TRIO: variants seen among roughly 807,000 people sequenced by gnomAD.
The protein encoded by TRIO is trio Rho guanine nucleotide exchange factor, also known as triple functional domain protein.
TRIO carries 58 observed loss-of-function variants against 351.9 expected under a neutral mutation model. That is an observed-to-expected ratio of 0.16 (90% CI 0.13 to 0.21). The LOEUF is 0.21. Among genes scored for constraint, TRIO ranks in the 10% least tolerant of loss-of-function variants. TRIO has a pLI of 1.00. For missense variants in TRIO, 3,201 were observed against 4,027.8 expected (o/e 0.79, Z 5.56); for synonymous variants, 1,758 against 1,595.7 (o/e 1.10, Z -2.42).
intron 1 of TRIO, among the ~76,000 whole-genome samples, chr5:14,204,143 G>A (rs1287182770): frequency 1.3e-5 from 2 of 152,154 alleles, no homozygotes; most frequent in Non-Finnish European, 2.9e-5. Flanking sequence ...TGCTTGTTTT[G>A]AGTTGTGTGT....
intron 1 of TRIO, among the ~76,000 whole-genome samples, chr5:14,192,641 C>A (rs534702568): frequency 6.6e-5 from 10 of 152,292 alleles, no homozygotes; most frequent in African/African-American, 2.4e-4. Context: ...ACCCTACTTA[C>A]TCCCTAAACA....
chr5:14,168,488 G>A (rs967280837), intron 1 of TRIO, among the ~76,000 whole-genome samples: 2 of 152,186 alleles, frequency 1.3e-5, no homozygotes, highest in African/African-American at 2.4e-5. Flanking sequence ...GATATAAATC[G>A]GTTCATTTCT....
chr5:14,150,125 T>C (rs561738062), intron 1 of TRIO, among the ~76,000 whole-genome samples: 258 of 152,326 alleles, frequency 1.7e-3, no homozygotes, highest in Non-Finnish European at 3.0e-3. Flanking sequence ...CTGTTGTTGT[T>C]AGCATTGAAA....
intron 1 of TRIO, among the ~76,000 whole-genome samples, chr5:14,246,199 A>G (rs1794427963): frequency 6.6e-6 from 1 of 152,220 alleles, no homozygotes; most frequent in African/African-American, 2.4e-5. Context: ...CCTTTTAAAG[A>G]TAGAAAATAA....
chr5:14,188,450 T>A (rs1790256277), intron 1 of TRIO, among the ~76,000 whole-genome samples: 1 of 152,258 alleles, frequency 6.6e-6, no homozygotes, highest in Non-Finnish European at 1.5e-5. Flanking sequence ...CACTTCGCTA[T>A]AACTGTTGTT....
At chr5:14,474,808 G>T (rs1028693472) in intron 40 of TRIO, among the ~76,000 whole-genome samples, 1 of 152,026 alleles carries the variant, frequency 6.6e-6, no homozygotes, top group Non-Finnish European at 1.5e-5. Context: ...TAGTAGCTGG[G>T]CCTACAGGCA....
At position 14,366,918 on chromosome 5, in the gene TRIO, G is replaced by A; in HGVS notation, c.2813G>A (p.Ser938Asn). ...TTAAATGCCGGACTTATCACAGCCA[G>A]CTCGTTACAAGAGGCAGAGCAGCTC... ...SMLNAGLITA[S>N]SLQEAEQLQR... The change falls in exon 16 of 57, where the codon AGC becomes AAC. Residue 938 changes from serine (S) to asparagine (N), a missense_variant. Physicochemically the swap from Ser to Asn is conservative, Grantham distance 46 (BLOSUM62 1). This residue lies in a region of TRIO where 363 missense variants were observed against 553.5 expected (regional missense o/e 0.66). Coordinates refer to ENST00000344204, the MANE Select transcript of TRIO (RefSeq NM_007118.4). 1.2e-6 allele frequency: 2 copies of A among 1,614,220 alleles called. No homozygotes were observed. The highest frequency in any genetic ancestry group is 1.7e-6 in the Non-Finnish European group (2 of 1,180,046).
At chr5:14,355,725 A>G (rs1352182753) in intron 11 of TRIO, among the ~76,000 whole-genome samples, 1 of 152,222 alleles carries the variant, frequency 6.6e-6, no homozygotes, top group African/African-American at 2.4e-5. Context: ...TTAGAGGAAA[A>G]CAAAAGAACA....
intron 31 of TRIO, among the ~76,000 whole-genome samples, chr5:14,403,849 G>T (rs866362003): frequency 0.13 from 8,884 of 67,372 alleles, 1,429 homozygotes; most frequent in African/African-American, 0.28. Context: ...GGGTGCAGGT[G>T]GTGGTGAGGG....
At chr5:14,218,945 C>G (rs1055382840) in intron 1 of TRIO, among the ~76,000 whole-genome samples, 1 of 152,244 alleles carries the variant, frequency 6.6e-6, no homozygotes, top group Non-Finnish European at 1.5e-5. Flanking sequence ...TCTTACTGAG[C>G]TAGGGAAGCT....
chr5:14,257,441 A>G (rs1335251985), intron 1 of TRIO, among the ~76,000 whole-genome samples: 1 of 152,212 alleles, frequency 6.6e-6, no homozygotes, highest in Non-Finnish European at 1.5e-5. Flanking sequence ...CAGGAAAAAA[A>G]AAAAATTTTG....
chr5:14,487,673 C>T lies in TRIO; in HGVS notation c.7045C>T (p.Pro2349Ser), dbSNP rs758358609. 8 of 1,390,912 alleles carry T rather than the reference C, an allele frequency of 5.8e-6. No individual in the cohort carries two copies. Among genetic ancestry groups the T allele is most frequent in the Non-Finnish European group, 6.6e-6 (7 of 1,060,460 alleles). 86.2% of individuals were successfully genotyped at this position (1,390,912 alleles called of 1,614,324 possible). A position where few individuals can be genotyped will look rare whatever the true frequency, so the allele number is the denominator to read the frequency against. Residue 2349 changes from proline (P) to serine (S), a missense_variant, in exon 48 of 57, where the codon CCC becomes TCC. Pro to Ser is a moderately conservative substitution (Grantham distance 74). Coordinates refer to ENST00000344204, the MANE Select transcript of TRIO (RefSeq NM_007118.4). Reference sequence around the variant, plus strand: ...GATCCCCCAGCCTGTCCGACACCACCCCCCCGTGCTGGTCTCCTCTGCAGC... The same window carrying T: ...GATCCCCCAGCCTGTCCGACACCACTCCCCCGTGCTGGTCTCCTCTGCAGC... ...SRIPQPVRHH[P>S]PVLVSSAASS...
rs964124396 is a variant in TRIO at position 14,509,635 on chromosome 5, A to G, written c.*1213A>G. 3 of 328,772 alleles carry G rather than the reference A, an allele frequency of 9.1e-6. No homozygotes were observed. Among genetic ancestry groups the G allele is most frequent in the Admixed American group, 4.6e-5 (1 of 21,712 alleles). The allele number at this position is 328,772 out of a possible 1,614,324, so 20.4% of individuals were successfully genotyped here. A position where few individuals can be genotyped will look rare whatever the true frequency, so the allele number is the denominator to read the frequency against. On this transcript the variant is annotated 3_prime_UTR_variant, in exon 57 of 57. Transcript: ENST00000344204. ...GACTTTTTGACGTTGAACTTTCTGT[A>G]TAAAAATTGGCTGGGTTTTGAGCTT...
intron 1 of TRIO, among the ~76,000 whole-genome samples, chr5:14,183,380 T>G (rs929685817): frequency 6.6e-6 from 1 of 152,140 alleles, no homozygotes; most frequent in Admixed American, 6.5e-5. Flanking sequence ...AGTAAACATA[T>G]GTATGTTTAC....
chr5:14,509,240 G>A lies in TRIO; in HGVS notation c.*818G>A. ...GAAAATACTGTAAATGCACTCATTG[G>A]GGGTTTTTTGGTTTTACTTCATATC... is the stretch of plus-strand genomic sequence containing the variant. On this transcript the variant is annotated 3_prime_UTR_variant, in exon 57 of 57. Coordinates refer to ENST00000344204, the MANE Select transcript of TRIO (RefSeq NM_007118.4). 2.8e-6 allele frequency: 1 copy of A among 351,086 alleles called. No individual in the cohort carries two copies. Among genetic ancestry groups the A allele is most frequent in the Non-Finnish European group, 5.5e-6 (1 of 181,576 alleles). The allele number at this position is 351,086 out of a possible 1,614,324, so 21.7% of individuals were successfully genotyped here.
intron 1 of TRIO, among the ~76,000 whole-genome samples, chr5:14,253,149 A>C (rs920179928): frequency 6.6e-6 from 1 of 152,380 alleles, no homozygotes; most frequent in Non-Finnish European, 1.5e-5. Flanking sequence ...CAAAGAGGAC[A>C]GGAGTGCTGC....
chr5:14,480,075 T>C (rs759822990), intron 43 of TRIO, 64 bp downstream of exon 43: 18 of 1,491,042 alleles, frequency 1.2e-5, no homozygotes, highest in Non-Finnish European at 1.6e-5. Context: ...TAAGACTCAG[T>C]TGGGGAAAGA....
At chr5:14,171,839 G>C (rs1789114614) in intron 1 of TRIO, among the ~76,000 whole-genome samples, 1 of 152,138 alleles carries the variant, frequency 6.6e-6, no homozygotes, top group African/African-American at 2.4e-5. Flanking sequence ...TTTTCAGCCA[G>C]TTTGGGTTGT....
chr5:14,366,208 A>T (rs1273846294), intron 15 of TRIO, among the ~76,000 whole-genome samples: 1 of 151,982 alleles, frequency 6.6e-6, no homozygotes, highest in African/African-American at 2.4e-5. Flanking sequence ...GTGCTAAGTA[A>T]ACGAGAGGGC....
Sources: allele counts gnomAD v4.1 joint callset (sites outside exome capture counted in the v4.1 genomes callset), GRCh38; gene constraint gnomAD v4.1.1; regional missense constraint gnomAD v4.1.1; transcripts MANE v1.5; gene names NCBI Gene and HGNC (gene_info 2026-07-23, HGNC 2026-07-21).